CERS6: variants seen among roughly 807,000 people sequenced by gnomAD.
The protein encoded by CERS6 is LAG1 homolog, ceramide synthase 6.
Under a neutral mutation model 56.8 loss-of-function variants are expected in CERS6, and 26 were observed. The ratio of observed to expected loss-of-function variants is 0.46; its 90% CI spans 0.34 to 0.63. The LOEUF is 0.63. CERS6 is among the 30% of genes least tolerant of loss of function. The pLI, the probability that CERS6 is intolerant of heterozygous loss-of-function variation, is 0.01. For synonymous variants in CERS6, 164 were observed against 173.3 expected (o/e 0.95, Z 0.42); for missense variants, 415 against 467.5 (o/e 0.89, Z 1.04).
At chr2:168,533,915 C>T (rs2105364080) in intron 1 of CERS6, among the ~76,000 whole-genome samples, 1 of 151,906 alleles carries the variant, frequency 6.6e-6, no homozygotes, top group Middle Eastern at 3.4e-3. Context: ...TTTGTTATTC[C>T]TTTTCATTCT....
chr2:168,621,147 C>T (rs1251072410), intron 3 of CERS6, among the ~76,000 whole-genome samples: 4 of 152,074 alleles, frequency 2.6e-5, no homozygotes, highest in Non-Finnish European at 5.9e-5. Flanking sequence ...AGTCTGCTTT[C>T]AGATAAGAAA....
At chr2:168,638,675 T>C (rs953641770) in intron 4 of CERS6, among the ~76,000 whole-genome samples, 2 of 152,206 alleles carry the variant, frequency 1.3e-5, no homozygotes, top group Non-Finnish European at 2.9e-5. Context: ...GCTTCTTGTT[T>C]AGTGGTATGC....
At chr2:168,556,539 A>T (rs905375488) in intron 2 of CERS6, among the ~76,000 whole-genome samples, 6 of 152,160 alleles carry the variant, frequency 3.9e-5, no homozygotes, top group Admixed American at 3.9e-4. Flanking sequence ...GCCAAATTTT[A>T]CATTGAACTA....
At chr2:168,669,219 C>G (rs535394457) in intron 4 of CERS6, among the ~76,000 whole-genome samples, 1 of 152,324 alleles carries the variant, frequency 6.6e-6, no homozygotes, top group Admixed American at 6.5e-5. Flanking sequence ...CAGATTATTT[C>G]CTGGTGCAAG....
chr2:168,635,838 A>G (rs1320211071), intron 4 of CERS6, among the ~76,000 whole-genome samples: 3 of 152,156 alleles, frequency 2.0e-5, no homozygotes, highest in South Asian at 2.1e-4. Context: ...CGGTGTTCTC[A>G]AATTCAACAC....
intron 2 of CERS6, among the ~76,000 whole-genome samples, chr2:168,558,632 G>A (rs1695726039): frequency 6.6e-6 from 1 of 152,222 alleles, no homozygotes; most frequent in Admixed American, 6.5e-5. Context: ...CACTTTGGGA[G>A]GCCAAGGCGG....
At chr2:168,684,779 T>G (rs1686304122) in intron 4 of CERS6, among the ~76,000 whole-genome samples, 1 of 152,156 alleles carries the variant, frequency 6.6e-6, no homozygotes, top group Admixed American at 6.5e-5. Context: ...CAAAGAAACA[T>G]GCTAAGCATT....
At chr2:168,713,711 C>T (rs909177580) in intron 6 of CERS6, among the ~76,000 whole-genome samples, 2 of 152,048 alleles carry the variant, frequency 1.3e-5, no homozygotes, top group Non-Finnish European at 2.9e-5. Flanking sequence ...CTTCAATCCC[C>T]ACCAGTATGC....
chr2:168,652,337 AG>A (rs1196328701), intron 4 of CERS6, among the ~76,000 whole-genome samples: 1 of 152,190 alleles, frequency 6.6e-6, no homozygotes, highest in Non-Finnish European at 1.5e-5. Flanking sequence ...AGCTAATGAT[AG>A]GAACAAGTTT....
At chr2:168,636,622 G>A (rs1684865183) in intron 4 of CERS6, among the ~76,000 whole-genome samples, 2 of 152,120 alleles carry the variant, frequency 1.3e-5, no homozygotes, top group African/African-American at 4.8e-5. Flanking sequence ...CGTTGTCCTG[G>A]CTGTGCTTCG....
intron 3 of CERS6, among the ~76,000 whole-genome samples, chr2:168,580,393 A>G (rs1378619345): frequency 1.3e-5 from 2 of 152,164 alleles, no homozygotes; most frequent in African/African-American, 4.8e-5. Flanking sequence ...TAGAAATTAC[A>G]ACGGGTATAC....
chr2:168,724,825 G>C (rs192930543), intron 8 of CERS6, among the ~76,000 whole-genome samples: 79 of 152,380 alleles, frequency 5.2e-4, no homozygotes, highest in African/African-American at 1.9e-3. Flanking sequence ...CAGGAGCCCA[G>C]CTGGCTTCAC....
At chr2:168,698,255 G>GAAAAAAA (rs869056813) in intron 6 of CERS6, among the ~76,000 whole-genome samples, 3 of 17,944 alleles carry the variant, frequency 1.7e-4, no homozygotes, top group Non-Finnish European at 3.0e-4. Context: ...AAAAAAAAAA[G>GAAAAAAA]AAAAAAAAAA....
intron 8 of CERS6, among the ~76,000 whole-genome samples, chr2:168,750,722 A>G (rs1684240757): frequency 6.6e-6 from 1 of 152,178 alleles, no homozygotes; most frequent in Non-Finnish European, 1.5e-5. Context: ...TTCATGGACA[A>G]ATTTCCTCAC....
At chr2:168,474,762 C>T (rs1425731940) in intron 1 of CERS6, among the ~76,000 whole-genome samples, 1 of 152,158 alleles carries the variant, frequency 6.6e-6, no homozygotes, top group African/African-American at 2.4e-5. Flanking sequence ...ATATTTCACC[C>T]TTCCCAACTC....
intron 8 of CERS6, among the ~76,000 whole-genome samples, chr2:168,761,853 T>C (rs570268618): frequency 6.6e-6 from 1 of 152,306 alleles, no homozygotes; most frequent in African/African-American, 2.4e-5. Flanking sequence ...TATCCTAATT[T>C]AGTCATTTTT....
chr2:168,575,809 C>G (rs1683249735), intron 3 of CERS6, among the ~76,000 whole-genome samples: 1 of 152,082 alleles, frequency 6.6e-6, no homozygotes, highest in African/African-American at 2.4e-5. Context: ...TCTTCTCACC[C>G]CTTGGCCTTT....
chr2:168,760,787 G>A (rs933200668), intron 8 of CERS6, among the ~76,000 whole-genome samples: 4 of 149,662 alleles, frequency 2.7e-5, no homozygotes, highest in South Asian at 2.1e-4. Flanking sequence ...ACGGAGTCTT[G>A]CTCTGTCGCC....
intron 3 of CERS6, among the ~76,000 whole-genome samples, chr2:168,591,063 A>G (rs1437172373): frequency 6.6e-6 from 1 of 152,198 alleles, no homozygotes; most frequent in Non-Finnish European, 1.5e-5. Flanking sequence ...TTATTTAACT[A>G]TTATAATATT....
Sources: allele counts gnomAD v4.1 joint callset (sites outside exome capture counted in the v4.1 genomes callset), GRCh38; gene constraint gnomAD v4.1.1; transcripts MANE v1.5; gene names NCBI Gene and HGNC (gene_info 2026-07-23, HGNC 2026-07-21).